The following MAP3K5 variants were observed in gnomAD, a reference collection of about 807,000 sequenced individuals.
MAP3K5 encodes mitogen-activated protein kinase kinase kinase 5, also known as ASK-1.
MAP3K5 carries 56 observed loss-of-function variants against 158.7 expected under a neutral mutation model. The observed-to-expected ratio is 0.35, with a 90% confidence interval of 0.28 to 0.44. MAP3K5 has a LOEUF of 0.44. Among genes scored for constraint, MAP3K5 ranks in the 20% least tolerant of loss-of-function variants. MAP3K5 has a pLI of 1.00. For missense variants in MAP3K5, 1,294 were observed against 1,674.8 expected (o/e 0.77, Z 3.97); for synonymous variants, 579 against 601.7 (o/e 0.96, Z 0.55).
At chr6:136,759,482 A>ATATATATATATATATATATATATATAT (rs1420942856) in intron 1 of MAP3K5, among the ~76,000 whole-genome samples, 46 of 141,994 alleles carry the variant, frequency 3.2e-4, no homozygotes, top group African/African-American at 5.0e-4. Flanking sequence ...ATATATATAT[A>ATATATATATATATATATATATATATAT]AAGTTTGAGA....
At chr6:136,574,841 T>C (rs900908613) in intron 25 of MAP3K5, among the ~76,000 whole-genome samples, 17 of 151,918 alleles carry the variant, frequency 1.1e-4, no homozygotes, top group South Asian at 8.3e-4. Context: ...AGGCGCCCGC[T>C]ACCTCGCCCG....
intron 21 of MAP3K5, among the ~76,000 whole-genome samples, chr6:136,598,293 C>T (rs1356100026): frequency 6.6e-6 from 1 of 152,254 alleles, no homozygotes; most frequent in African/African-American, 2.4e-5. Context: ...TGTCCTTACT[C>T]ATCAGGTGCA....
At chr6:136,610,381 C>T (rs886976938) in intron 18 of MAP3K5, among the ~76,000 whole-genome samples, 2 of 152,044 alleles carry the variant, frequency 1.3e-5, no homozygotes, top group East Asian at 1.9e-4. Flanking sequence ...TCAGTGGTTG[C>T]GTTGCCTACT....
At chr6:136,720,752 G>A (rs932499580) in intron 1 of MAP3K5, among the ~76,000 whole-genome samples, 163 bp from the exon 2 acceptor site, 4 of 152,118 alleles carry the variant, frequency 2.6e-5, no homozygotes, top group East Asian at 1.9e-4. Flanking sequence ...GCTCTACCTG[G>A]AAGTGGTTTT....
intron 2 of MAP3K5, 82 bp from the exon 3 acceptor site, chr6:136,705,215 A>G (rs1781021834): frequency 3.1e-6 from 2 of 654,086 alleles, no homozygotes; most frequent in Admixed American, 6.4e-5. Context: ...ATGTGGGAAA[A>G]TTTGTATTAA....
At chr6:136,580,014 A>G (rs575052745) in intron 25 of MAP3K5, among the ~76,000 whole-genome samples, 10 of 152,216 alleles carry the variant, frequency 6.6e-5, no homozygotes, top group Non-Finnish European at 1.3e-4. Flanking sequence ...CCAGATATCT[A>G]TATTTTGAAA....
chr6:136,597,379 C>T (rs376493026), intron 21 of MAP3K5, among the ~76,000 whole-genome samples: 1 of 152,154 alleles, frequency 6.6e-6, no homozygotes, highest in East Asian at 1.9e-4. Context: ...CCTTCCATTG[C>T]TGTGAGGGTG....
intron 21 of MAP3K5, among the ~76,000 whole-genome samples, chr6:136,596,910 A>G (rs112045408): frequency 6.6e-5 from 10 of 152,184 alleles, no homozygotes; most frequent in African/African-American, 2.2e-4. Context: ...CAGTTTCCAG[A>G]TATCACAGAG....
intron 3 of MAP3K5, among the ~76,000 whole-genome samples, chr6:136,702,702 G>A (rs912920327): frequency 8.5e-5 from 13 of 152,074 alleles, no homozygotes; most frequent in African/African-American, 1.9e-4. Context: ...TTTTGTTGTT[G>A]TTGTTGTTTT....
At chr6:136,599,455 T>C (rs572844104) in intron 21 of MAP3K5, among the ~76,000 whole-genome samples, 14 of 151,796 alleles carry the variant, frequency 9.2e-5, no homozygotes, top group South Asian at 8.3e-4. Flanking sequence ...TGAGAAGACA[T>C]AGAACTGTCC....
chr6:136,614,039 G>T, intron 16 of MAP3K5, 120 bp downstream of exon 16: 1 of 1,044,738 alleles, frequency 9.6e-7, no homozygotes, highest in Non-Finnish European at 1.4e-6. Flanking sequence ...AATGTCACAT[G>T]TCCAATTTTT....
chr6:136,669,197 A>C (rs1779360471), intron 8 of MAP3K5, 86 bp downstream of exon 8: 2 of 867,372 alleles, frequency 2.3e-6, no homozygotes, highest in Non-Finnish European at 3.8e-6. Context: ...AGAAAGCAAA[A>C]GATTTATCTA....
chr6:136,657,584 A>G (rs969680795), intron 9 of MAP3K5, among the ~76,000 whole-genome samples: 1 of 152,260 alleles, frequency 6.6e-6, no homozygotes, highest in Non-Finnish European at 1.5e-5. Context: ...AAAAGGTATT[A>G]TAACACCAAG....
At position 136,765,679 on chromosome 6, in the gene MAP3K5, ATTTTTTTT is replaced by A. The variant is rs780589836; in HGVS notation, c.448+26023_448+26030del. The stretch of plus-strand genomic sequence containing the variant: ...AAGTGCCCACCACCATGCCTGGCTA[ATTTTTTTT>A]TTTTTTTTTTTTTTGTATTTTTAGT... On this transcript the variant is annotated intron_variant, in intron 1 of 29. Transcript: ENST00000359015. Among the ~76,000 whole-genome samples the A allele has an allele frequency of 2.7e-3, 327 of 120,016 alleles. 2 individuals carry two copies. The highest frequency in any genetic ancestry group is 9.5e-3 in the African/African-American group (296 of 31,284). The allele number at this position is 120,016 out of a possible 152,430, so 78.7% of individuals were successfully genotyped here.
Position 136,717,643 on chromosome 6 carries a change from T to C in MAP3K5, c.588+2807A>G, listed in dbSNP as rs188916987. ...CTTCTTTCATGGCAGTTTTCCTATC[T>C]GTTGGTCAATGGCAGGAATAAGGGT... On this transcript the variant is annotated intron_variant, in intron 2 of 29. Transcript: ENST00000359015. 2.8e-4 allele frequency among the ~76,000 whole-genome samples: 43 copies of C among 152,354 alleles called. No individual in the cohort carries two copies. In the East Asian group the frequency reaches 6.5e-3, roughly 23 times the overall value.
intron 26 of MAP3K5, among the ~76,000 whole-genome samples, chr6:136,563,644 C>G (rs1292828528): frequency 6.6e-6 from 1 of 152,160 alleles, no homozygotes; most frequent in Non-Finnish European, 1.5e-5. Context: ...AAAGTTCTTA[C>G]CCATAGAAGG....
intron 1 of MAP3K5, among the ~76,000 whole-genome samples, chr6:136,760,878 G>A (rs894836500): frequency 6.6e-6 from 1 of 152,202 alleles, no homozygotes; most frequent in Non-Finnish European, 1.5e-5. Flanking sequence ...GCTGAGGCAT[G>A]AGAATGGCTT....
chr6:136,734,299 A>G (rs1421728499), intron 1 of MAP3K5, among the ~76,000 whole-genome samples: 1 of 151,924 alleles, frequency 6.6e-6, no homozygotes, highest in Non-Finnish European at 1.5e-5. Context: ...ACACACCTGT[A>G]ATCCCAGCTA....
At chr6:136,716,363 C>T (rs1030105065) in intron 2 of MAP3K5, among the ~76,000 whole-genome samples, 1 of 152,070 alleles carries the variant, frequency 6.6e-6, no homozygotes, top group Non-Finnish European at 1.5e-5. Flanking sequence ...CTATCTGGCA[C>T]GTGCAGTCAT....
Sources: gnomAD v4.1 joint callset for allele counts (sites outside exome capture counted in the v4.1 genomes callset) on GRCh38, gnomAD v4.1.1 for gene constraint, MANE v1.5 for transcripts, NCBI Gene and HGNC (gene_info 2026-07-23, HGNC 2026-07-21) for gene names.